FCN1: variants seen among roughly 807,000 people sequenced by gnomAD.
The protein encoded by FCN1 is ficolin-1.
FCN1 carries 42 observed loss-of-function variants against 35.6 expected under a neutral mutation model. The observed-to-expected ratio is 1.18, with a 90% CI of 0.92 to 1.53. FCN1 has a LOEUF of 1.53. FCN1 is among the 40% of genes most tolerant of loss of function. FCN1 has a pLI of 0.00. For synonymous variants in FCN1, 179 were observed against 169.8 expected (o/e 1.05, Z -0.42); for missense variants, 439 against 428.4 (o/e 1.02, Z -0.22).
chr9:134,908,825 C>A lies in FCN1; in HGVS notation c.*973G>T, dbSNP rs1830985189. On this transcript the variant is annotated 3_prime_UTR_variant, in exon 9 of 9. Transcript: ENST00000371806. The stretch of plus-strand genomic sequence containing the variant: ...GGCGAGTTCTTGTTGTTTCAAGCCA[C>A]TCCATTTGTGGTGACTGGTTGCGGC... 1 of 196,200 alleles carries A rather than the reference C, an allele frequency of 5.1e-6. No homozygotes were observed. The highest frequency in any genetic ancestry group is 2.4e-5 in the African/African-American group (1 of 42,030). The allele number at this position is 196,200 out of a possible 1,614,324, so 12.2% of individuals were successfully genotyped here.
chr9:134,905,667 G>T lies in FCN1; in HGVS notation c.*4131C>A, dbSNP rs1313927877. Reference sequence around the variant, plus strand: ...AACGGCTAATTTTTTTGTATTTTTAGTAGAGACGGGGTTTCATCATGTTAG... The same window carrying T: ...AACGGCTAATTTTTTTGTATTTTTATTAGAGACGGGGTTTCATCATGTTAG... On this transcript the variant is annotated 3_prime_UTR_variant, in exon 9 of 9. Transcript: ENST00000371806. Among the ~76,000 whole-genome samples, 3 of 151,478 alleles carry T rather than the reference G, an allele frequency of 2.0e-5. No homozygotes were observed. Among genetic ancestry groups the T allele is most frequent in the Non-Finnish European group, 4.4e-5 (3 of 67,948 alleles).
intron 2 of FCN1, 125 bp downstream of exon 2, chr9:134,916,223 G>T: frequency 1.3e-6 from 1 of 767,746 alleles, no homozygotes. Flanking sequence ...TCTAGCAGGG[G>T]CCTGACCCAG....
chr9:134,910,609 G>C (rs1216421577), intron 8 of FCN1, among the ~76,000 whole-genome samples: 1 of 152,146 alleles, frequency 6.6e-6, no homozygotes, highest in Non-Finnish European at 1.5e-5. Flanking sequence ...AGACTCCAAG[G>C]CTGTCATTTC....
rs906636571 is a variant in FCN1, at chr9:134,911,079, T to C, written c.733+54A>G. 3.8e-6 allele frequency: 6 copies of C among 1,595,752 alleles called. No individual in the cohort carries two copies. In the Admixed American group the frequency reaches 8.4e-5, roughly 22 times the overall value. The stretch of plus-strand genomic sequence containing the variant: ...GGTCACCAGGGGAGACAGAGCCAGG[T>C]TCTCTCTGCTTTCCAAGCCCCACTC... On this transcript the variant is annotated intron_variant, in intron 8 of 8. Transcript: ENST00000371806.
rs1564215513 is a variant in FCN1 at position 134,905,907 on chromosome 9, T to TTCTC, written c.*3890_*3891insGAGA. On this transcript the variant is annotated 3_prime_UTR_variant, in exon 9 of 9. Coordinates refer to ENST00000371806, the MANE Select transcript of FCN1 (RefSeq NM_002003.5). ...TTCTTCTTCTTCTTCTTCTTCTTCT[T>TTCTC]CTTCTTCTTCTTCTTCTCCCTCTCC... is the stretch of plus-strand genomic sequence containing the variant. 0.026 allele frequency: 2,304 copies of TTCTC among 89,390 alleles called. 44 individuals are homozygous for TTCTC. The highest frequency in any genetic ancestry group is 0.033 in the East Asian group (102 of 3,130). The allele number at this position is 89,390 out of a possible 1,614,324, so 5.5% of individuals were successfully genotyped here.
At chr9:134,910,319 T>C (rs1039267073) in intron 8 of FCN1, among the ~76,000 whole-genome samples, 1 of 152,114 alleles carries the variant, frequency 6.6e-6, no homozygotes, top group Non-Finnish European at 1.5e-5. Context: ...TCAGGCCTCC[T>C]GCTCTCTCCT....
chr9:134,913,705 A>T (rs922261251), intron 4 of FCN1, 92 bp from the exon 5 acceptor site: 1 of 967,512 alleles, frequency 1.0e-6, no homozygotes. Flanking sequence ...AGAATAGAGA[A>T]TGGGCAAAGG....
rs1005229791 is a variant in FCN1, at chr9:134,909,427, C to T, written c.*371G>A. 2.4e-5 allele frequency: 31 copies of T among 1,290,748 alleles called. No homozygotes were observed. In the African/African-American group the frequency reaches 4.1e-4, roughly 17 times the overall value. 80.0% of individuals were successfully genotyped at this position (1,290,748 alleles called of 1,614,324 possible). A position where few individuals can be genotyped will look rare whatever the true frequency, so the allele number is the denominator to read the frequency against. On this transcript the variant is annotated 3_prime_UTR_variant, in exon 9 of 9. Transcript: ENST00000371806. ...GGAGGTGGAAAATCCTCGCAAAAGT[C>T]ACTCAACCTCCCTGAACATCGGTAG...
rs997307839 is a variant in FCN1 at position 134,916,599 on chromosome 9, T to C, written c.104-138A>G. ...GCGGAGATGTGATGGGGGGCAGAGC[T>C]CTGGCTTTGGAGGCCACCCCGACCT... On this transcript the variant is annotated intron_variant, in intron 1 of 8. Transcript: ENST00000371806. The C allele has an allele frequency of 2.1e-5, 18 of 875,004 alleles. No individual in the cohort carries two copies. In the African/African-American group the frequency reaches 2.7e-4, roughly 13 times the overall value. The allele number at this position is 875,004 out of a possible 1,614,324, so 54.2% of individuals were successfully genotyped here.
chr9:134,909,237 G>T lies in FCN1; in HGVS notation c.*561C>A. 1 of 1,289,784 alleles carries T rather than the reference G, an allele frequency of 7.8e-7. No homozygotes were observed. The highest frequency in any genetic ancestry group is 1.0e-6 in the Non-Finnish European group (1 of 988,880). 79.9% of individuals were successfully genotyped at this position (1,289,784 alleles called of 1,614,324 possible). A position where few individuals can be genotyped will look rare whatever the true frequency, so the allele number is the denominator to read the frequency against. On this transcript the variant is annotated 3_prime_UTR_variant, in exon 9 of 9. Transcript: ENST00000371806. The stretch of plus-strand genomic sequence containing the variant: ...GCCAGCCCAAAGCATGAACTCTGCC[G>T]TGGTGGGAAGCAGAAAAGTTCCTAC...
chr9:134,917,374 A>G (rs143148458), intron 1 of FCN1, among the ~76,000 whole-genome samples: 1 of 152,346 alleles, frequency 6.6e-6, no homozygotes, highest in African/African-American at 2.4e-5. Context: ...GGAGAGCCAG[A>G]AATCTGCCTT....
chr9:134,916,509 T>C lies in FCN1; in HGVS notation c.104-48A>G, dbSNP rs1292935427. 1.9e-6 allele frequency: 3 copies of C among 1,570,002 alleles called. No individual in the cohort carries two copies. In the South Asian group the frequency reaches 3.3e-5, roughly 17 times the overall value. On this transcript the variant is annotated intron_variant, in intron 1 of 8. Coordinates refer to ENST00000371806, the MANE Select transcript of FCN1 (RefSeq NM_002003.5). ...ACTCAGTGCCTGGCCCAACAGTGGCTGGGAAGTGAGGTTTTCTGCTCTGCT... is the reference window on the plus strand; with the variant it reads ...ACTCAGTGCCTGGCCCAACAGTGGCCGGGAAGTGAGGTTTTCTGCTCTGCT...
chr9:134,904,420 G>A lies in FCN1; in HGVS notation c.*5378C>T, dbSNP rs2118923908. 1.3e-5 allele frequency among the ~76,000 whole-genome samples: 2 copies of A among 152,182 alleles called. No homozygotes were observed. The highest frequency in any genetic ancestry group is 4.2e-4 in the South Asian group (2 of 4,818). On this transcript the variant is annotated 3_prime_UTR_variant, in exon 9 of 9. Coordinates refer to ENST00000371806, the MANE Select transcript of FCN1 (RefSeq NM_002003.5). Reference sequence around the variant, plus strand: ...CCAATCTAAATACTATTTAAAATGAGGCAAAATAAAGATGTTTTCAGATAA... The same window carrying A: ...CCAATCTAAATACTATTTAAAATGAAGCAAAATAAAGATGTTTTCAGATAA...
In FCN1 at chr9:134,916,575, C is replaced by T. The variant is rs568437254; in HGVS notation, c.104-114G>A. On this transcript the variant is annotated intron_variant, in intron 1 of 8. Coordinates refer to ENST00000371806, the MANE Select transcript of FCN1 (RefSeq NM_002003.5). ...CCTCACCCCTCAGGCACTGGTGAGG[C>T]GGAGATGTGATGGGGGGCAGAGCTC... 2.7e-5 allele frequency: 30 copies of T among 1,098,678 alleles called. No individual in the cohort carries two copies. The East Asian group carries it at 2.8e-4, about 10-fold the overall frequency. The allele number at this position is 1,098,678 out of a possible 1,614,324, so 68.1% of individuals were successfully genotyped here.
intron 8 of FCN1, 80 bp downstream of exon 8, chr9:134,911,053 A>G: frequency 1.4e-6 from 2 of 1,451,200 alleles, no homozygotes; most frequent in Non-Finnish European, 1.9e-6. Context: ...GGAGGGCCCA[A>G]GGTCACCAGG....
At position 134,909,673 on chromosome 9, in the gene FCN1, C is replaced by A. The variant is rs1255875995; in HGVS notation, c.*125G>T. On this transcript the variant is annotated 3_prime_UTR_variant, in exon 9 of 9. Transcript: ENST00000371806. ...TGTGGCGGCTTGACTGAGCTGGGGG[C>A]AAAGGGGCAGCTGTGGGCGTCATGG... 1 of 1,594,762 alleles carries A rather than the reference C, an allele frequency of 6.3e-7. No individual in the cohort carries two copies. The highest frequency in any genetic ancestry group is 8.5e-7 in the Non-Finnish European group (1 of 1,177,476).
chr9:134,917,334 T>C (rs1219291285), intron 1 of FCN1, among the ~76,000 whole-genome samples: 1 of 152,148 alleles, frequency 6.6e-6, no homozygotes, highest in African/African-American at 2.4e-5. Context: ...CAAACCCTTG[T>C]CCCTATCAAC....
At position 134,909,307 on chromosome 9, in the gene FCN1, G is replaced by T. The variant is rs772275565; in HGVS notation, c.*491C>A. ...GTAAGTGTTTTCTGGACCCCAAAGT[G>T]ACCTTTTTCAAGAAGTGTGAAGTGT... On this transcript the variant is annotated 3_prime_UTR_variant, in exon 9 of 9. Coordinates refer to ENST00000371806, the MANE Select transcript of FCN1 (RefSeq NM_002003.5). 1.2e-5 allele frequency: 15 copies of T among 1,289,340 alleles called. No homozygotes were observed. Among genetic ancestry groups the T allele is most frequent in the African/African-American group, 1.5e-5 (1 of 65,792 alleles). 79.9% of individuals were successfully genotyped at this position (1,289,340 alleles called of 1,614,324 possible). A position where few individuals can be genotyped will look rare whatever the true frequency, so the allele number is the denominator to read the frequency against.
chr9:134,914,569 G>T, intron 3 of FCN1, 149 bp from the exon 4 acceptor site: 1 of 968,518 alleles, frequency 1.0e-6, no homozygotes. Flanking sequence ...CTCAATGGTG[G>T]GGAGGGGCCC....
Sources: allele counts gnomAD v4.1 joint callset (sites outside exome capture counted in the v4.1 genomes callset), GRCh38; gene constraint gnomAD v4.1.1; transcripts MANE v1.5; gene names NCBI Gene and HGNC (gene_info 2026-07-23, HGNC 2026-07-21).